RORA: variants seen among roughly 807,000 people sequenced by gnomAD.
RORA encodes the protein RAR related orphan receptor A.
A neutral mutation model predicts 69.5 loss-of-function variants in RORA; 7 were observed. The ratio of observed to expected loss-of-function variants is 0.10; its 90% CI spans 0.06 to 0.19. The LOEUF (loss-of-function observed/expected upper bound fraction) is 0.19. RORA is among the 10% of genes least tolerant of loss of function. The probability of loss-of-function intolerance (pLI) is 1.00; values close to 1 mark genes in which losing one functional copy is unlikely to be tolerated. For missense variants in RORA, 457 were observed against 663.0 expected, an observed-to-expected ratio of 0.69 and a Z score of 3.41; for synonymous variants, 261 against 240.8, an observed-to-expected ratio of 1.08 and a Z score of -0.78.
At chr15:60,677,684 T>C (rs913897937) in intron 2 of RORA, among the ~76,000 whole-genome samples, 6 of 152,054 alleles carry the variant, frequency 3.9e-5, no homozygotes, top group Admixed American at 3.9e-4. Context: ...TAAACTACTT[T>C]GATGTAATAC....
intron 2 of RORA, among the ~76,000 whole-genome samples, chr15:60,669,632 T>C (rs2070434870): frequency 1.3e-5 from 2 of 150,666 alleles, no homozygotes; most frequent in Non-Finnish European, 3.0e-5. Context: ...GTTAATACTC[T>C]ACTCCAGTCA....
chr15:60,554,091 T>C (rs1293283117), intron 2 of RORA, among the ~76,000 whole-genome samples: 1 of 152,176 alleles, frequency 6.6e-6, no homozygotes, highest in Admixed American at 6.5e-5. Flanking sequence ...GGTTTTTTCC[T>C]CTCTAACACT....
intron 1 of RORA, among the ~76,000 whole-genome samples, chr15:61,142,872 GAGATAT>G (rs2079313113): frequency 6.6e-6 from 1 of 152,106 alleles, no homozygotes; most frequent in South Asian, 2.1e-4. Flanking sequence ...ATGGGAAAGA[GAGATAT>G]AGATACACAT....
At chr15:60,980,715 G>T (rs1387835794) in intron 1 of RORA, among the ~76,000 whole-genome samples, 1 of 151,886 alleles carries the variant, frequency 6.6e-6, no homozygotes, top group Non-Finnish European at 1.5e-5. Context: ...CTGTAAAATT[G>T]GTGGTAATGC....
chr15:60,963,154 A>C (rs1018177656), intron 1 of RORA, among the ~76,000 whole-genome samples: 13 of 152,340 alleles, frequency 8.5e-5, no homozygotes, highest in Admixed American at 8.5e-4. Flanking sequence ...GACTATCCCC[A>C]TTTACGCTTC....
At chr15:60,769,563 C>G (rs1272939946) in intron 1 of RORA, among the ~76,000 whole-genome samples, 9 of 152,086 alleles carry the variant, frequency 5.9e-5, no homozygotes, top group Non-Finnish European at 5.9e-5. Flanking sequence ...GTTCTAGTCA[C>G]CAGGTAGCAG....
At chr15:61,005,979 G>T (rs1894899835) in intron 1 of RORA, among the ~76,000 whole-genome samples, 1 of 146,450 alleles carries the variant, frequency 6.8e-6, no homozygotes. Context: ...GTTTTGTTTT[G>T]TTTTTTTTGA....
At chr15:60,886,757 T>G (rs1235940391) in intron 1 of RORA, among the ~76,000 whole-genome samples, 1 of 152,250 alleles carries the variant, frequency 6.6e-6, no homozygotes, top group Non-Finnish European at 1.5e-5. Context: ...AAAAGGACTG[T>G]GTCCTCATCC....
intron 1 of RORA, among the ~76,000 whole-genome samples, chr15:60,925,111 T>TAAAAC (rs755248860): frequency 7.8e-6 from 1 of 127,400 alleles, no homozygotes; most frequent in East Asian, 2.2e-4. Flanking sequence ...TAAAATAAAA[T>TAAAAC]AAAATAAAAT....
chr15:61,170,877 C>A (rs75533589), intron 1 of RORA, among the ~76,000 whole-genome samples: 6 of 152,138 alleles, frequency 3.9e-5, no homozygotes, highest in Non-Finnish European at 8.8e-5. Flanking sequence ...AGTTTCATAT[C>A]CTCACTCTTC....
intron 1 of RORA, among the ~76,000 whole-genome samples, chr15:60,994,621 G>T (rs1483607210): frequency 6.6e-6 from 1 of 152,168 alleles, no homozygotes; most frequent in Non-Finnish European, 1.5e-5. Context: ...CTGTCCTCCT[G>T]CCCTGAAGCC....
chr15:60,986,250 C>T (rs1894199102), intron 1 of RORA, among the ~76,000 whole-genome samples: 1 of 152,078 alleles, frequency 6.6e-6, no homozygotes, highest in Non-Finnish European at 1.5e-5. Flanking sequence ...TCTCCTGCCT[C>T]AGCCTCCTGA....
At chr15:60,866,493 A>G (rs2073488569) in intron 1 of RORA, among the ~76,000 whole-genome samples, 1 of 152,140 alleles carries the variant, frequency 6.6e-6, no homozygotes, top group Non-Finnish European at 1.5e-5. Flanking sequence ...TACCCTTTTC[A>G]ATTACACCTG....
Position 61,229,189 on chromosome 15 carries a change from G to A in RORA, c.30C>T (p.Pro10=). 6 of 1,554,096 alleles carry A rather than the reference G, an allele frequency of 3.9e-6. No individual in the cohort carries two copies. The highest frequency in any genetic ancestry group is 4.3e-6 in the Non-Finnish European group (5 of 1,152,114). The part of the protein sequence containing the change: MESAPAAPD[P]AASEPGSSGA... Reference sequence around the variant, plus strand: ...CGCTGCTGCCTGGCTCGCTGGCGGCGGGGTCGGGGGCTGCCGGAGCTGACT... The same window carrying A: ...CGCTGCTGCCTGGCTCGCTGGCGGCAGGGTCGGGGGCTGCCGGAGCTGACT... Residue 10 remains proline (P), a synonymous_variant, in exon 1 of 11, where the codon CCC becomes CCT. Transcript: ENST00000335670.
chr15:60,585,012 T>C (rs1444737396), intron 2 of RORA, among the ~76,000 whole-genome samples: 1 of 152,220 alleles, frequency 6.6e-6, no homozygotes, highest in African/African-American at 2.4e-5. Flanking sequence ...TAGGAACACG[T>C]AAGCACTATT....
chr15:60,794,091 T>C (rs1197034244), intron 1 of RORA, among the ~76,000 whole-genome samples: 1 of 152,230 alleles, frequency 6.6e-6, no homozygotes, highest in African/African-American at 2.4e-5. Flanking sequence ...TGTTCAACTG[T>C]TTCTTTTCTT....
chr15:61,105,234 G>A (rs1016120655), intron 1 of RORA, among the ~76,000 whole-genome samples: 1 of 151,888 alleles, frequency 6.6e-6, no homozygotes, highest in African/African-American at 2.4e-5. Flanking sequence ...TCCATACTTG[G>A]GTATTATATA....
chr15:60,748,050 A>G (rs894719694), intron 1 of RORA, among the ~76,000 whole-genome samples: 3 of 152,200 alleles, frequency 2.0e-5, no homozygotes, highest in Non-Finnish European at 4.4e-5. Context: ...TGCTCGCCCC[A>G]TGGTCTTAAT....
chr15:60,545,887 A>T (rs895160264), intron 2 of RORA, among the ~76,000 whole-genome samples: 1 of 152,206 alleles, frequency 6.6e-6, no homozygotes, highest in Non-Finnish European at 1.5e-5. Flanking sequence ...ATAGTGATAG[A>T]ATTCATTTTA....
Sources: gnomAD v4.1 joint callset for allele counts (sites outside exome capture counted in the v4.1 genomes callset) on GRCh38, gnomAD v4.1.1 for gene constraint, MANE v1.5 for transcripts, NCBI Gene and HGNC (gene_info 2026-07-23, HGNC 2026-07-21) for gene names.